The following LARGE1 variants were observed in gnomAD, a reference collection of about 807,000 sequenced individuals.
LARGE1 encodes the protein LARGE xylosyl- and glucuronyltransferase 1.
LARGE1 carries 43 observed loss-of-function variants against 87.6 expected under a neutral mutation model. That is an observed-to-expected ratio of 0.49 (90% CI 0.38 to 0.63). The LOEUF is 0.63. Among genes scored for constraint, LARGE1 ranks in the 30% least tolerant of loss-of-function variants. LARGE1 has a pLI of 0.00. For synonymous variants in LARGE1, 434 were observed against 394.6 expected, an observed-to-expected ratio of 1.10 and a Z score of -1.18; for missense variants, 802 against 1,000.2, an observed-to-expected ratio of 0.80 and a Z score of 2.67.
chr22:33,422,298 A>T (rs1295153509), intron 7 of LARGE1, among the ~76,000 whole-genome samples: 1 of 152,176 alleles, frequency 6.6e-6, no homozygotes, highest in Non-Finnish European at 1.5e-5. Flanking sequence ...TGCTACAGGG[A>T]AATACCCAAG....
chr22:33,296,339 G>A (rs1933250967), intron 12 of LARGE1, among the ~76,000 whole-genome samples: 1 of 152,214 alleles, frequency 6.6e-6, no homozygotes, highest in Non-Finnish European at 1.5e-5. Context: ...TGTATTAGCA[G>A]CTGTGCTGTG....
chr22:33,895,736 G>GCAA (rs1428114410), intron 1 of LARGE1, among the ~76,000 whole-genome samples: 7 of 152,150 alleles, frequency 4.6e-5, no homozygotes, highest in Admixed American at 4.6e-4. Context: ...ATGAAGATGG[G>GCAA]GTCTTACATA....
intron 1 of LARGE1, among the ~76,000 whole-genome samples, chr22:33,812,740 C>A (rs1039824971): frequency 1.1e-4 from 16 of 152,196 alleles, no homozygotes; most frequent in African/African-American, 3.9e-4. Flanking sequence ...CAACAGCTGT[C>A]CAGGCCAACA....
chr22:33,236,272 C>T (rs1446361185), intron 11 of LARGE1, among the ~76,000 whole-genome samples: 1 of 152,184 alleles, frequency 6.6e-6, no homozygotes, highest in African/African-American at 2.4e-5. Flanking sequence ...AGAAACACCC[C>T]AGCTGAGTGT....
intron 11 of LARGE1, among the ~76,000 whole-genome samples, chr22:33,187,220 T>A (rs557264154): frequency 2.4e-4 from 36 of 152,314 alleles, no homozygotes; most frequent in Non-Finnish European, 1.5e-5. Flanking sequence ...CTCACAGTAG[T>A]CAAGATATGG....
chr22:33,399,602 G>T (rs1026817747), intron 7 of LARGE1, among the ~76,000 whole-genome samples: 3 of 152,102 alleles, frequency 2.0e-5, no homozygotes, highest in African/African-American at 7.2e-5. Flanking sequence ...AGGCTGGAGT[G>T]CAATGGTGCG....
intron 4 of LARGE1, among the ~76,000 whole-genome samples, chr22:33,616,186 A>C (rs2079574419): frequency 6.6e-6 from 1 of 152,122 alleles, no homozygotes; most frequent in African/African-American, 2.4e-5. Flanking sequence ...TATACAGAAC[A>C]TTCTTAGCAG....
intron 7 of LARGE1, among the ~76,000 whole-genome samples, chr22:33,427,709 A>G (rs918357474): frequency 1.3e-5 from 2 of 152,212 alleles, no homozygotes; most frequent in Non-Finnish European, 2.9e-5. Context: ...TAAAAATCAC[A>G]ACCAACTTGC....
chr22:33,622,589 T>G (rs982867304), intron 4 of LARGE1, among the ~76,000 whole-genome samples: 2 of 152,204 alleles, frequency 1.3e-5, no homozygotes, highest in Non-Finnish European at 2.9e-5. Flanking sequence ...TGCCACTGGG[T>G]CCTGGGGTTC....
downstream of LARGE1, among the ~76,000 whole-genome samples, chr22:33,158,438 T>C (rs1182447329): frequency 6.6e-6 from 1 of 152,138 alleles, no homozygotes; most frequent in African/African-American, 2.4e-5. Flanking sequence ...CCAACTTAGG[T>C]TGTTGGCCTC....
rs548599952 is a variant in LARGE1, at chr22:33,760,969, A to ACACCAC, written c.106+396_106+401dup. ...AAAAAACCAGACAAACAAACAAAAA[A>ACACCAC]CACCACCACCACCACCACCACCACC... On this transcript the variant is annotated intron_variant, in intron 2 of 14. Coordinates refer to ENST00000397394, the MANE Select transcript of LARGE1 (RefSeq NM_133642.5). 3.3e-5 allele frequency among the ~76,000 whole-genome samples: 5 copies of ACACCAC among 151,620 alleles called. No homozygotes were observed. The South Asian group carries it at 6.3e-4, about 19-fold the overall frequency.
chr22:33,822,128 T>C (rs546367735), intron 1 of LARGE1, among the ~76,000 whole-genome samples: 3 of 152,194 alleles, frequency 2.0e-5, no homozygotes, highest in Non-Finnish European at 4.4e-5. Context: ...ATAGGCACTA[T>C]GTAGCATTAA....
At chr22:33,219,340 A>T (rs888698846) in intron 11 of LARGE1, among the ~76,000 whole-genome samples, 1 of 152,196 alleles carries the variant, frequency 6.6e-6, no homozygotes, top group African/African-American at 2.4e-5. Context: ...TTCTACAAGG[A>T]TTACAAAGCT....
the LARGE1 span, among the ~76,000 whole-genome samples, chr22:33,117,521 AT>A: frequency 6.6e-6 from 1 of 150,950 alleles, no homozygotes; most frequent in African/African-American, 2.4e-5. Context: ...CATTGAGGAG[AT>A]TGGGGAGGGT....
At chr22:33,556,541 AGGG>A (rs2077687195) in intron 6 of LARGE1, among the ~76,000 whole-genome samples, 1 of 18,476 alleles carries the variant, frequency 5.4e-5, no homozygotes, top group Non-Finnish European at 9.9e-5. Flanking sequence ...GGAGGGAAGG[AGGG>A]AGGGAGGGAG....
chr22:33,210,639 G>A (rs1568975168), intron 11 of LARGE1, among the ~76,000 whole-genome samples: 2 of 152,358 alleles, frequency 1.3e-5, no homozygotes, highest in East Asian at 3.9e-4. Context: ...ATGGCACCTA[G>A]CCTCAAGCCT....
At chr22:33,398,811 C>T (rs1327782622) in intron 7 of LARGE1, among the ~76,000 whole-genome samples, 2 of 152,054 alleles carry the variant, frequency 1.3e-5, no homozygotes, top group Non-Finnish European at 2.9e-5. Flanking sequence ...CCGACAGAGG[C>T]AGGGGTTGAA....
In LARGE1 at chr22:33,273,498, T is replaced by C. The variant is rs1291682486; in HGVS notation, c.*929A>G. On this transcript the variant is annotated 3_prime_UTR_variant, in exon 15 of 15. Coordinates refer to ENST00000397394, the MANE Select transcript of LARGE1 (RefSeq NM_133642.5). ...CACTGAAGTAGTTCCTTCAAAGCCC[T>C]TTCCCATGAATCAGTCACTGCCAAT... The C allele has an allele frequency of 5.0e-6, 2 of 398,594 alleles. No homozygotes were observed. Among genetic ancestry groups the C allele is most frequent in the African/African-American group, 2.1e-5 (1 of 48,646 alleles). The allele number at this position is 398,594 out of a possible 1,614,324, so 24.7% of individuals were successfully genotyped here. A position where few individuals can be genotyped will look rare whatever the true frequency, so the allele number is the denominator to read the frequency against.
intron 1 of LARGE1, among the ~76,000 whole-genome samples, chr22:33,781,709 C>T (rs187323223): frequency 1.5e-3 from 226 of 152,326 alleles, no homozygotes; most frequent in Non-Finnish European, 2.8e-3. Context: ...TTATCTAGCA[C>T]TTAGTATGTG....
Sources: gnomAD v4.1 joint callset for allele counts (sites outside exome capture counted in the v4.1 genomes callset) on GRCh38, gnomAD v4.1.1 for gene constraint, MANE v1.5 for transcripts, NCBI Gene and HGNC (gene_info 2026-07-23, HGNC 2026-07-21) for gene names.